The following GLIS3 variants were observed in gnomAD, a reference collection of about 807,000 sequenced individuals.
The protein encoded by GLIS3 is zinc finger protein GLIS3.
In GLIS3, 53 loss-of-function variants were observed where a neutral mutation model predicts 78.6. The observed-to-expected ratio is 0.67, with a 90% CI of 0.54 to 0.85. GLIS3 has a LOEUF of 0.85. Ranked by LOEUF, GLIS3 falls within the 40% of genes least tolerant of loss-of-function variation. GLIS3 has a pLI of 0.00. For missense variants in GLIS3, 1,703 were observed against 1,231.1 expected (o/e 1.38, Z -5.74); for synonymous variants, 684 against 509.9 (o/e 1.34, Z -4.60).
At chr9:4,266,962 T>G (rs1338425863) in intron 2 of GLIS3, among the ~76,000 whole-genome samples, 1 of 152,214 alleles carries the variant, frequency 6.6e-6, no homozygotes, top group Non-Finnish European at 1.5e-5. Flanking sequence ...CTACATGCTG[T>G]GATATAACCC....
rs148199056 is a variant in GLIS3, at chr9:4,117,942, G to C, written c.1536C>G (p.Asp512Glu). 4 of 1,614,068 alleles carry C rather than the reference G, an allele frequency of 2.5e-6. No homozygotes were observed. The highest frequency in any genetic ancestry group is 1.3e-5 in the African/African-American group (1 of 75,040). Residue 512 changes from aspartate to glutamate, a missense_variant, in exon 4 of 11, where the codon GAC (aspartate) becomes GAG (glutamate). Physicochemically the swap from Asp to Glu is conservative, Grantham distance 45 (BLOSUM62 2). Coordinates refer to ENST00000381971, the MANE Select transcript of GLIS3 (RefSeq NM_001042413.2). Reference protein sequence around the residue: ...CRWIDCSALYDQQEELVRHIE... With the variant: ...CRWIDCSALYEQQEELVRHIE... ...TGTGCCGCACGAGCTCCTCCTGCTG[G>C]TCGTACAGGGCGCTGCAGTCGATCC...
chr9:3,829,330 G>T lies in GLIS3; in HGVS notation c.2636C>A (p.Ser879Ter). Residue 879 changes from serine (S) to a stop codon, truncating the protein, a stop_gained, in exon 10 of 11, where the codon TCG (serine) becomes TAG (stop). Transcript: ENST00000381971. LOFTEE classifies it high-confidence loss of function. ...ASFDVFHRAF[S>*]THSGITVYDL... ...CACACCTGTAATGCCCGAGTGAGTC[G>T]AGAAGGCTCTGTGGAAAACATCAAA... 1 of 1,613,970 alleles carries T rather than the reference G, an allele frequency of 6.2e-7. No individual in the cohort carries two copies. The highest frequency in any genetic ancestry group is 8.5e-7 in the Non-Finnish European group (1 of 1,179,936).
At chr9:3,841,587 A>G (rs1043345381) in intron 9 of GLIS3, among the ~76,000 whole-genome samples, 3 of 152,226 alleles carry the variant, frequency 2.0e-5, no homozygotes, top group Admixed American at 6.5e-5. Context: ...ACTACTCCCT[A>G]TAACTCAAAA....
At position 4,022,238 on chromosome 9, in the gene GLIS3, C is replaced by T. The variant is rs116313673; in HGVS notation, c.1711-85049G>A. The stretch of plus-strand genomic sequence containing the variant: ...CCTTAGAGAGATTAAGCAGCTGATG[C>T]ACACTGCATGGCTAGGAAATGCTAC... On this transcript the variant is annotated intron_variant, in intron 4 of 10. Coordinates refer to ENST00000381971, the MANE Select transcript of GLIS3 (RefSeq NM_001042413.2). Among the ~76,000 whole-genome samples the T allele has an allele frequency of 5.7e-3, 869 of 152,348 alleles. 6 individuals are homozygous for T. The highest frequency in any genetic ancestry group is 0.02 in the African/African-American group (834 of 41,582).
chr9:4,406,331 G>C, the GLIS3 span, among the ~76,000 whole-genome samples: 24 of 152,096 alleles, frequency 1.6e-4, no homozygotes, highest in Admixed American at 1.5e-3. Flanking sequence ...TTTTTTTCTT[G>C]AGACAGAGTT....
Position 4,022,149 on chromosome 9 carries a change from C to G in GLIS3, c.1711-84960G>C, listed in dbSNP as rs1008919566. On this transcript the variant is annotated intron_variant, in intron 4 of 10. Transcript: ENST00000381971. ...GATAGAATTTCTCATTTAATTCTTA[C>G]AGCAGCCTGCTAAAATGTCAGCCCA... Among the ~76,000 whole-genome samples, 34 of 152,122 alleles carry G rather than the reference C, an allele frequency of 2.2e-4. 1 individual carries two copies. Among genetic ancestry groups the G allele is most frequent in the South Asian group, 1.9e-3 (9 of 4,822 alleles).
intron 1 of GLIS3, among the ~76,000 whole-genome samples, chr9:4,286,920 T>G (rs1476093853): frequency 6.6e-6 from 1 of 152,232 alleles, no homozygotes. Flanking sequence ...GTGAGACCAA[T>G]GCTTCAAAGT....
At chr9:4,461,522 C>G in the GLIS3 span, among the ~76,000 whole-genome samples, 1 of 152,182 alleles carries the variant, frequency 6.6e-6, no homozygotes, top group Admixed American at 6.5e-5. Context: ...CTCAAATTTT[C>G]AAAACGATTA....
At chr9:4,243,742 G>T (rs1467111966) in intron 2 of GLIS3, among the ~76,000 whole-genome samples, 1 of 152,138 alleles carries the variant, frequency 6.6e-6, no homozygotes, top group Non-Finnish European at 1.5e-5. Context: ...CCTCTCATCT[G>T]CCTGGAATGG....
intron 2 of GLIS3, among the ~76,000 whole-genome samples, chr9:4,257,410 T>C (rs1366902569): frequency 6.6e-6 from 1 of 152,158 alleles, no homozygotes; most frequent in Non-Finnish European, 1.5e-5. Context: ...ACATACAGCA[T>C]AAGGACTAAA....
At position 4,023,828 on chromosome 9, in the gene GLIS3, G is replaced by C. The variant is rs77911118; in HGVS notation, c.1711-86639C>G. Among the ~76,000 whole-genome samples the C allele has an allele frequency of 3.6e-3, 549 of 152,052 alleles. 3 individuals are homozygous for C. Among genetic ancestry groups the C allele is most frequent in the African/African-American group, 0.013 (522 of 41,358 alleles). On this transcript the variant is annotated intron_variant, in intron 4 of 10. Transcript: ENST00000381971. ...GTGCTGGTTCACAAACTTTGTTACT[G>C]ACCCTCAATTAGGTAAGTACAGAAA...
the GLIS3 span, among the ~76,000 whole-genome samples, chr9:4,371,961 C>A: frequency 6.6e-6 from 1 of 152,182 alleles, no homozygotes; most frequent in Non-Finnish European, 1.5e-5. Flanking sequence ...CTTCTCTGGC[C>A]ATAATTGCAC....
upstream of GLIS3, chr9:4,348,528 G>C (rs1251240750): frequency 6.6e-6 from 1 of 152,200 alleles, no homozygotes; most frequent in Non-Finnish European, 1.5e-5. Context: ...CCAGAACTCG[G>C]TCAATGGCCA....
In GLIS3 at chr9:4,030,757, G is replaced by A. The variant is rs149601151; in HGVS notation, c.1710+87011C>T. ...GCATGACTGGAACTTCACATAACTC[G>A]CTGAGAGGTCAACAAAGAGTACAGG... On this transcript the variant is annotated intron_variant, in intron 4 of 10. Coordinates refer to ENST00000381971, the MANE Select transcript of GLIS3 (RefSeq NM_001042413.2). Among the ~76,000 whole-genome samples the A allele has an allele frequency of 2.2e-3, 334 of 152,220 alleles. 2 individuals carry two copies. Among genetic ancestry groups the A allele is most frequent in the African/African-American group, 7.5e-3 (312 of 41,530 alleles).
intron 4 of GLIS3, among the ~76,000 whole-genome samples, chr9:3,973,179 T>C (rs1648514079): frequency 6.6e-6 from 1 of 152,172 alleles, no homozygotes; most frequent in African/African-American, 2.4e-5. Flanking sequence ...AATGCTGCCA[T>C]TGTTCTCAGA....
At chr9:3,880,070 T>A (rs1821626787) in intron 7 of GLIS3, among the ~76,000 whole-genome samples, 1 of 152,112 alleles carries the variant, frequency 6.6e-6, no homozygotes, top group Non-Finnish European at 1.5e-5. Context: ...CACTGCTAAA[T>A]CAATGTAATG....
intron 2 of GLIS3, among the ~76,000 whole-genome samples, chr9:4,319,241 T>C (rs1325406352): frequency 1.3e-5 from 2 of 152,174 alleles, no homozygotes; most frequent in Non-Finnish European, 2.9e-5. Context: ...CATCATACTG[T>C]GGTTATGTTA....
intron 4 of GLIS3, among the ~76,000 whole-genome samples, chr9:4,055,516 A>C (rs997240887): frequency 2.0e-5 from 3 of 152,128 alleles, no homozygotes; most frequent in African/African-American, 4.8e-5. Flanking sequence ...AAAAGCTTAA[A>C]ATATGTCATT....
At chr9:3,979,868 A>G (rs754689944) in intron 4 of GLIS3, among the ~76,000 whole-genome samples, 4 of 152,224 alleles carry the variant, frequency 2.6e-5, no homozygotes, top group Non-Finnish European at 4.4e-5. Flanking sequence ...AACACAACAG[A>G]TAAAGTCACC....
Sources: allele counts gnomAD v4.1 joint callset (sites outside exome capture counted in the v4.1 genomes callset), GRCh38; gene constraint gnomAD v4.1.1; transcripts MANE v1.5; gene names NCBI Gene and HGNC (gene_info 2026-07-23, HGNC 2026-07-21).